Variants in EPYC observed in about 807,000 individuals in gnomAD.
EPYC encodes the protein dermatan sulfate proteoglycan 3.
A neutral mutation model predicts 30.1 loss-of-function variants in EPYC; 28 were observed. The ratio of observed to expected loss-of-function variants is 0.93; its 90% CI spans 0.69 to 1.28. The LOEUF (loss-of-function observed/expected upper bound fraction) is 1.28, where lower values mean the gene tolerates loss of function less well. Among genes scored for constraint, EPYC ranks in the 50% most tolerant of loss-of-function variants. The probability of loss-of-function intolerance (pLI) is 0.00; values close to 1 mark genes in which losing one functional copy is unlikely to be tolerated. For missense variants in EPYC, 382 were observed against 383.5 expected (o/e 1.00, Z 0.03); for synonymous variants, 144 against 141.4 (o/e 1.02, Z -0.13).
intron 3 of EPYC, among the ~76,000 whole-genome samples, chr12:90,975,479 C>G (rs1020414708): frequency 3.3e-5 from 5 of 151,900 alleles, no homozygotes; most frequent in Admixed American, 3.3e-4. Flanking sequence ...TGTGCCTCTT[C>G]TTTGGAAATT....
At chr12:90,988,295 T>C (rs1020478012) in intron 2 of EPYC, among the ~76,000 whole-genome samples, 9 of 152,154 alleles carry the variant, frequency 5.9e-5, no homozygotes, top group Non-Finnish European at 1.0e-4. Context: ...GAGCAGCTTC[T>C]TTATTCTTGA....
chr12:90,993,147 T>C (rs1427952430), intron 2 of EPYC, among the ~76,000 whole-genome samples: 2 of 152,168 alleles, frequency 1.3e-5, no homozygotes, highest in Admixed American at 1.3e-4. Context: ...AATTGATGAT[T>C]GAGAGAAGGA....
intron 4 of EPYC, among the ~76,000 whole-genome samples, chr12:90,972,274 T>C (rs1424618932): frequency 6.6e-6 from 1 of 152,206 alleles, no homozygotes; most frequent in African/African-American, 2.4e-5. Flanking sequence ...GATTTTGTCA[T>C]TTAAAATGTT....
At chr12:91,000,579 C>T (rs918742723) in intron 2 of EPYC, among the ~76,000 whole-genome samples, 4 of 151,722 alleles carry the variant, frequency 2.6e-5, no homozygotes, top group Non-Finnish European at 4.4e-5. Context: ...AGCCATGATC[C>T]CAAACAGCAT....
At chr12:90,991,522 T>C (rs1381240404) in intron 2 of EPYC, among the ~76,000 whole-genome samples, 1 of 152,078 alleles carries the variant, frequency 6.6e-6, no homozygotes, top group Non-Finnish European at 1.5e-5. Context: ...TACTGATTTA[T>C]GAAATGTAGT....
chr12:90,976,315 T>G (rs1201311766), intron 3 of EPYC, among the ~76,000 whole-genome samples: 1 of 152,144 alleles, frequency 6.6e-6, no homozygotes, highest in Non-Finnish European at 1.5e-5. Context: ...AAAAAATGCA[T>G]GAACTCCTTT....
chr12:90,971,208 C>T (rs1193877876), intron 5 of EPYC, among the ~76,000 whole-genome samples: 1 of 152,098 alleles, frequency 6.6e-6, no homozygotes, highest in Non-Finnish European at 1.5e-5. Context: ...GTAGATGGTG[C>T]TTCTGTAGAT....
Position 91,002,551 on chromosome 12 carries a change from T to C in EPYC, c.15A>G (p.Ala5=), listed in dbSNP as rs570822999. The C allele has an allele frequency of 1.2e-6, 2 of 1,604,484 alleles. No individual in the cohort carries two copies. The highest frequency in any genetic ancestry group is 4.5e-5 in the East Asian group (2 of 44,612). MKTL[A]GLVLGLVIFD... is the part of the protein sequence containing the mutation. Reference sequence around the variant, plus strand: ...AGATGACAAGTCCCAGAACAAGTCCTGCTAATGTCTTCATTTTTCAAGCTT... The same window carrying C: ...AGATGACAAGTCCCAGAACAAGTCCCGCTAATGTCTTCATTTTTCAAGCTT... Residue 5 remains alanine (A), a synonymous_variant, in exon 2 of 7, where the codon GCA becomes GCG. Coordinates refer to ENST00000261172, the MANE Select transcript of EPYC (RefSeq NM_004950.5).
At chr12:90,981,508 C>T (rs1262494499) in intron 2 of EPYC, among the ~76,000 whole-genome samples, 1 of 152,100 alleles carries the variant, frequency 6.6e-6, no homozygotes, top group Non-Finnish European at 1.5e-5. Flanking sequence ...AGAAAATTAT[C>T]TCTGTAAAAA....
chr12:90,969,002 C>CATAT (rs144389919), intron 6 of EPYC, among the ~76,000 whole-genome samples: 1 of 146,624 alleles, frequency 6.8e-6, no homozygotes, highest in African/African-American at 2.5e-5. Flanking sequence ...GACATATATA[C>CATAT]ATATATATAT....
At chr12:91,003,884 G>T (rs1015494146) in intron 1 of EPYC, among the ~76,000 whole-genome samples, 56 of 152,098 alleles carry the variant, frequency 3.7e-4, no homozygotes, top group African/African-American at 1.3e-3. Context: ...AGCAGGTTTA[G>T]GCAGAAGGAT....
intron 2 of EPYC, among the ~76,000 whole-genome samples, chr12:90,997,567 A>C (rs907474789): frequency 3.9e-5 from 6 of 152,112 alleles, no homozygotes; most frequent in African/African-American, 1.4e-4. Flanking sequence ...CACCTTCATC[A>C]AAAAGACTAT....
At chr12:91,003,269 A>C (rs1242454475) in intron 1 of EPYC, among the ~76,000 whole-genome samples, 1 of 152,046 alleles carries the variant, frequency 6.6e-6, no homozygotes, top group Non-Finnish European at 1.5e-5. Context: ...ATTTCATGCA[A>C]TATTGTTCAA....
At chr12:91,001,276 T>A (rs948035447) in intron 2 of EPYC, among the ~76,000 whole-genome samples, 7 of 152,090 alleles carry the variant, frequency 4.6e-5, no homozygotes, top group African/African-American at 1.7e-4. Flanking sequence ...TATATCTAAG[T>A]TCAATACAAG....
chr12:90,988,669 G>A (rs1275090332), intron 2 of EPYC, among the ~76,000 whole-genome samples: 1 of 152,128 alleles, frequency 6.6e-6, no homozygotes, highest in Admixed American at 6.6e-5. Context: ...AGTTGAAAAT[G>A]TCTATATTAT....
intron 2 of EPYC, among the ~76,000 whole-genome samples, chr12:91,001,251 T>C (rs1254285307): frequency 6.6e-6 from 1 of 152,118 alleles, no homozygotes; most frequent in African/African-American, 2.4e-5. Context: ...AATTTTAGTA[T>C]CTTCTTAGTA....
At chr12:90,965,935 G>A (rs543083901) in intron 6 of EPYC, among the ~76,000 whole-genome samples, 89 of 151,776 alleles carry the variant, frequency 5.9e-4, no homozygotes, top group African/African-American at 2.2e-3. Context: ...TTCATTGCTA[G>A]TGTATAGATA....
chr12:90,976,323 T>C (rs1457214260), intron 3 of EPYC, among the ~76,000 whole-genome samples: 1 of 152,152 alleles, frequency 6.6e-6, no homozygotes, highest in African/African-American at 2.4e-5. Flanking sequence ...CATGAACTCC[T>C]TTATCAATAG....
chr12:91,003,593 C>A (rs1877882485), intron 1 of EPYC, among the ~76,000 whole-genome samples: 1 of 151,982 alleles, frequency 6.6e-6, no homozygotes, highest in Non-Finnish European at 1.5e-5. Context: ...GAAAAAAAAT[C>A]TTCACATTTA....
Sources: allele counts gnomAD v4.1 joint callset (sites outside exome capture counted in the v4.1 genomes callset), GRCh38; gene constraint gnomAD v4.1.1; transcripts MANE v1.5; gene names NCBI Gene and HGNC (gene_info 2026-07-23, HGNC 2026-07-21).